DISP3: variants seen among roughly 807,000 people sequenced by gnomAD.
The protein encoded by DISP3 is protein dispatched homolog 3.
A neutral mutation model predicts 135.3 loss-of-function variants in DISP3; 101 were observed. The ratio of observed to expected loss-of-function variants is 0.75; its 90% confidence interval spans 0.64 to 0.88. The LOEUF (loss-of-function observed/expected upper bound fraction) is 0.88. Among genes scored for constraint, DISP3 ranks in the 40% least tolerant of loss-of-function variants. DISP3 has a pLI of 0.00. For synonymous variants in DISP3, 856 were observed against 817.0 expected, an observed-to-expected ratio of 1.05 and a Z score of -0.81; for missense variants, 1,713 against 1,878.6, an observed-to-expected ratio of 0.91 and a Z score of 1.63.
chr1:11,535,628 C>T lies in DISP3; in HGVS notation c.3800C>T (p.Pro1267Leu). The T allele has an allele frequency of 1.9e-6, 3 of 1,612,454 alleles. No homozygotes were observed. The highest frequency in any genetic ancestry group is 1.1e-5 in the South Asian group (1 of 91,040). Residue 1267 changes from proline to leucine, a missense_variant, in exon 20 of 21, where the codon CCC becomes CTC. Pro to Leu is a moderately conservative substitution (Grantham distance 98). Around this residue, in one of 2 missense-constraint regions of DISP3, gnomAD observed 1,142 missense variants for 1,384.6 expected, o/e 0.82. Coordinates refer to ENST00000294484, the MANE Select transcript of DISP3 (RefSeq NM_020780.2). ...TACCTGCTGGCTGGAGAGAACCTGC[C>T]CCCCCACCAGGCCGAGGTGCGCACC... Reference protein sequence around the residue: ...EGYLLAGENLPPHQAEDARTQ... With the variant: ...EGYLLAGENLLPHQAEDARTQ...
At chr1:11,533,253 C>CTTTT (rs70983563) in intron 17 of DISP3, among the ~76,000 whole-genome samples, 1 of 103,976 alleles carries the variant, frequency 9.6e-6, no homozygotes, top group African/African-American at 3.6e-5. Context: ...GTGACTGTTT[C>CTTTT]TTTTTTTTTT....
chr1:11,506,892 C>T lies in DISP3; in HGVS notation c.1316+3995C>T, dbSNP rs372301582. On this transcript the variant is annotated intron_variant, in intron 3 of 20. Coordinates refer to ENST00000294484, the MANE Select transcript of DISP3 (RefSeq NM_020780.2). ...TTATAGCTCACTGCAGCCTGAAACT[C>T]CTGGGCTCAGGTAATCCTCCCATCT... Among the ~76,000 whole-genome samples the T allele has an allele frequency of 1.4e-4, 22 of 152,260 alleles. No individual in the cohort carries two copies. The East Asian group carries it at 2.7e-3, about 19-fold the overall frequency.
At chr1:11,527,187 G>A (rs3003914) in intron 13 of DISP3, among the ~76,000 whole-genome samples, 30,626 of 151,886 alleles carry the variant, frequency 0.2, 6,035 homozygotes, top group African/African-American at 0.52. Context: ...CACCTGCCTT[G>A]GCCTCCCAAA....
Position 11,536,669 on chromosome 1 carries a change from G to T in DISP3, c.4162G>T (p.Ala1388Ser), listed in dbSNP as rs533939192. 6.3e-6 allele frequency: 10 copies of T among 1,576,286 alleles called. No homozygotes were observed. Among genetic ancestry groups the T allele is most frequent in the South Asian group, 3.4e-5 (3 of 87,106 alleles). Residue 1388 changes from alanine (A) to serine (S), a missense_variant, in exon 21 of 21, where the codon GCA (alanine) becomes TCA (serine). By Grantham distance (99) the Ala-to-Ser change is moderately conservative. Transcript: ENST00000294484. This position sits in a 1 kb window ranked among gnomAD's most constrained non-coding sequence, Gnocchi z 4.3. ...GAGCGGCTATAAGATTCCCCTGCCCGCAGGGGCCTCCCTATAGCCCGGGAC... is the reference window on the plus strand; with the variant it reads ...GAGCGGCTATAAGATTCCCCTGCCCTCAGGGGCCTCCCTATAGCCCGGGAC... ...LQSGYKIPLPAGASL is the reference protein window; with the variant it reads ...LQSGYKIPLPSGASL
In DISP3 at chr1:11,516,580, A is replaced by G. The variant is rs1411245371; in HGVS notation, c.1749+419A>G. Among the ~76,000 whole-genome samples the G allele has an allele frequency of 6.6e-6, 1 of 152,216 alleles. No individual in the cohort carries two copies. Among genetic ancestry groups the G allele is most frequent in the African/African-American group, 2.4e-5 (1 of 41,450 alleles). On this transcript the variant is annotated intron_variant, in intron 6 of 20. Transcript: ENST00000294484. This position sits in a 1 kb window ranked among gnomAD's most constrained non-coding sequence, Gnocchi z 5.1. ...ATAAGTGAGAAGCCTGACCAAGTCCATAGTGATTCCCCTTCTGCCTGCTTC... is the reference window on the plus strand; with the variant it reads ...ATAAGTGAGAAGCCTGACCAAGTCCGTAGTGATTCCCCTTCTGCCTGCTTC...
Position 11,501,970 on chromosome 1 carries a change from G to A in DISP3, c.978G>A (p.Pro326=), listed in dbSNP as rs1641549608. 2.5e-6 allele frequency: 4 copies of A among 1,613,896 alleles called. No individual in the cohort carries two copies. Among genetic ancestry groups the A allele is most frequent in the South Asian group, 2.2e-5 (2 of 91,048 alleles). ...CCCACGAGGTGCTCAAGGATCTGCC[G>A]CTGGGCTCCTACTCCTACTGCTCGC... ...WKPHEVLKDL[P]LGSYSYCSPP... Residue 326 remains proline, a synonymous_variant, in exon 2 of 21, where the codon CCG becomes CCA. Coordinates refer to ENST00000294484, the MANE Select transcript of DISP3 (RefSeq NM_020780.2). This position sits in a 1 kb window ranked among gnomAD's most constrained non-coding sequence, Gnocchi z 4.9.
chr1:11,535,552 T>C lies in DISP3; in HGVS notation c.3724T>C (p.Ser1242Pro). The C allele has an allele frequency of 6.2e-7, 1 of 1,613,344 alleles. No homozygotes were observed. Among genetic ancestry groups the C allele is most frequent in the Non-Finnish European group, 8.5e-7 (1 of 1,179,896 alleles). ...EMGAVEAISL[S>P]ILVGSSVDYC... ...GGGGGCTGTGGAAGCCATCTCCCTG[T>C]CCATCCTCGTTGGCTCCTCCGTGGA... The change falls in exon 20 of 21, where the codon TCC (serine) becomes CCC (proline). Residue 1242 changes from serine (S) to proline (P), a missense_variant. Ser to Pro is a moderately conservative substitution (Grantham distance 74). This residue lies in a region of DISP3 where 1,142 missense variants were observed against 1,384.6 expected (regional missense o/e 0.82). Transcript: ENST00000294484.
Position 11,524,074 on chromosome 1 carries a change from G to C in DISP3, c.2476+19G>C. On this transcript the variant is annotated intron_variant, in intron 11 of 20. Transcript: ENST00000294484. ...CTGCAGGGTGAGCACTGGGGGTGGA[G>C]GGTGGGGAAATCCTCCCTGGTGCTA... The C allele has an allele frequency of 6.4e-7, 1 of 1,571,652 alleles. No homozygotes were observed. The highest frequency in any genetic ancestry group is 8.8e-7 in the Non-Finnish European group (1 of 1,142,778).
rs1570113722 is a variant in DISP3 at position 11,515,827 on chromosome 1, A to G, written c.1589-174A>G. ...AAGGAGTGTGGTGGGTGGGGCTTGA[A>G]CTCTTGGTGGGAGGAGCCAATCAGA... On this transcript the variant is annotated intron_variant, in intron 5 of 20. Transcript: ENST00000294484. Among the ~76,000 whole-genome samples the G allele has an allele frequency of 2.1e-5, 3 of 145,046 alleles. No homozygotes were observed. In the South Asian group the frequency reaches 6.7e-4, roughly 32 times the overall value.
In DISP3 at chr1:11,514,272, A is replaced by G. The variant is rs1248481065; in HGVS notation, c.1317-118A>G. ...CCCCAGGTGATTTTGATATCCAACC[A>G]AGGTAGAGTCACAGGTGAAGTGGAC... On this transcript the variant is annotated intron_variant, in intron 3 of 20. Transcript: ENST00000294484. 13 of 1,251,736 alleles carry G rather than the reference A, an allele frequency of 1.0e-5. No homozygotes were observed. The Admixed American group carries it at 2.1e-4, about 20-fold the overall frequency. 77.5% of individuals were successfully genotyped at this position (1,251,736 alleles called of 1,614,324 possible).
At position 11,524,695 on chromosome 1, in the gene DISP3, C is replaced by T. The variant is rs547392281; in HGVS notation, c.2477-481C>T. Among the ~76,000 whole-genome samples the T allele has an allele frequency of 2.0e-3, 275 of 138,198 alleles. 1 individual carries two copies. Among genetic ancestry groups the T allele is most frequent in the Non-Finnish European group, 2.9e-3 (185 of 63,960 alleles). The allele number at this position is 138,198 out of a possible 152,430, so 90.7% of individuals were successfully genotyped here. On this transcript the variant is annotated intron_variant, in intron 11 of 20. Transcript: ENST00000294484. ...CCCTGCCACCCCATCCCAGTGACTA[C>T]CACCTCCCCCACCATCCCTGCCACC...
At chr1:11,500,953 G>GTC in intron 1 of DISP3, 37 bp from the exon 2 acceptor site, 1 of 1,607,090 alleles carries the variant, frequency 6.2e-7, no homozygotes, top group Non-Finnish European at 8.5e-7. Flanking sequence ...TCCCCTCACT[G>GTC]TCTCTCTAGC....
intron 1 of DISP3, among the ~76,000 whole-genome samples, chr1:11,479,901 C>A (rs917827664): frequency 1.3e-4 from 19 of 150,704 alleles, no homozygotes; most frequent in African/African-American, 4.6e-4. Flanking sequence ...CAGGTCCGGC[C>A]GGGGAGGGCG....
At position 11,502,714 on chromosome 1, in the gene DISP3, A is replaced by G. The variant is rs974056653; in HGVS notation, c.1133A>G (p.Tyr378Cys). Residue 378 changes from tyrosine (Y) to cysteine (C), a missense_variant, in exon 3 of 21, where the codon TAC becomes TGC. Around this residue, in one of 2 missense-constraint regions of DISP3, gnomAD observed 1,142 missense variants for 1,384.6 expected, o/e 0.82. Coordinates refer to ENST00000294484, the MANE Select transcript of DISP3 (RefSeq NM_020780.2). ...CTGGCCATGACTCACCCTGAGTTCTACTGGTATGTGGATGAGGGCCTCTCT... is the reference window on the plus strand; with the variant it reads ...CTGGCCATGACTCACCCTGAGTTCTGCTGGTATGTGGATGAGGGCCTCTCT... ...LELAMTHPEF[Y>C]WYVDEGLSAD... The G allele has an allele frequency of 5.6e-6, 9 of 1,613,980 alleles. No individual in the cohort carries two copies. Among genetic ancestry groups the G allele is most frequent in the Non-Finnish European group, 7.6e-6 (9 of 1,180,028 alleles).
intron 20 of DISP3, 99 bp downstream of exon 20, chr1:11,535,743 A>G (rs959212842): frequency 7.0e-7 from 1 of 1,430,310 alleles, no homozygotes; most frequent in Non-Finnish European, 9.4e-7. Flanking sequence ...ACATCCCAGC[A>G]CCAGGACCCC....
At chr1:11,517,282 C>A (rs6540982) in intron 6 of DISP3, among the ~76,000 whole-genome samples, 181 bp from the exon 7 acceptor site, 5,020 of 152,310 alleles carry the variant, frequency 0.033, 242 homozygotes, top group African/African-American at 0.11. Flanking sequence ...CTGACACCAG[C>A]CCTTGGCTCC....
intron 2 of DISP3, 37 bp from the exon 3 acceptor site, chr1:11,502,641 A>T: frequency 6.4e-7 from 1 of 1,554,290 alleles, no homozygotes; most frequent in Non-Finnish European, 8.8e-7. Context: ...GGAGCTGACC[A>T]GCTGAACTCT....
At chr1:11,514,266 C>A in intron 3 of DISP3, 124 bp from the exon 4 acceptor site, 4 of 1,201,988 alleles carry the variant, frequency 3.3e-6, no homozygotes, top group Non-Finnish European at 2.4e-6. Context: ...ATTTTGATAT[C>A]CAACCAAGGT....
Position 11,531,032 on chromosome 1 carries a change from A to C in DISP3, c.3228A>C (p.Ser1076=). 1 of 1,613,338 alleles carries C rather than the reference A, an allele frequency of 6.2e-7. No individual in the cohort carries two copies. The highest frequency in any genetic ancestry group is 8.5e-7 in the Non-Finnish European group (1 of 1,179,846). The change falls in exon 16 of 21, where the codon TCA becomes TCC. Residue 1076 remains serine (S), a splice_region_variant and synonymous_variant. Transcript: ENST00000294484. The surrounding 1 kb of genome is among the most constrained non-coding windows in gnomAD (Gnocchi z 5.2). ...CGGGTGGGGCCCAGTGCCTGCCTTC[A>C]GGTGCGTGGGGTGTGGGGAGCTGGT... ...VKPGGAQCLP[S]GYSISSFLQM... is the part of the protein sequence containing the mutation.
Sources: gnomAD v4.1 joint callset for allele counts (sites outside exome capture counted in the v4.1 genomes callset) on GRCh38, gnomAD v4.1.1 for gene constraint, gnomAD v4.1.1 regional missense constraint, Gnocchi (gnomAD v3.1) non-coding constraint, MANE v1.5 for transcripts, NCBI Gene and HGNC (gene_info 2026-07-23, HGNC 2026-07-21) for gene names.